Variants in KIF6 observed in about 807,000 individuals in gnomAD.
KIF6 encodes kinesin-like protein KIF6.
KIF6 carries 106 observed loss-of-function variants against 112.7 expected under a neutral mutation model. The observed-to-expected ratio is 0.94, with a 90% confidence interval of 0.80 to 1.11. KIF6 has a LOEUF of 1.11. KIF6 is among the 50% of genes least tolerant of loss of function. The probability of loss-of-function intolerance (pLI) is 0.00; values close to 1 mark genes in which losing one functional copy is unlikely to be tolerated. For synonymous variants in KIF6, 339 were observed against 339.9 expected, an observed-to-expected ratio of 1.00 and a Z score of 0.03; for missense variants, 929 against 964.0, an observed-to-expected ratio of 0.96 and a Z score of 0.48.
intron 15 of KIF6, among the ~76,000 whole-genome samples, chr6:39,409,801 G>A (rs918938404): frequency 6.6e-6 from 1 of 152,160 alleles, no homozygotes; most frequent in Non-Finnish European, 1.5e-5. Context: ...TCAACAGGGG[G>A]ACTCATCAGT....
chr6:39,527,877 G>C (rs781330350), intron 13 of KIF6, among the ~76,000 whole-genome samples: 13 of 151,936 alleles, frequency 8.6e-5, no homozygotes, highest in Non-Finnish European at 1.3e-4. Flanking sequence ...ATATTTATGA[G>C]GTACAAAGTG....
intron 6 of KIF6, among the ~76,000 whole-genome samples, chr6:39,605,231 C>A (rs762288162): frequency 1.6e-4 from 24 of 152,220 alleles, no homozygotes; most frequent in East Asian, 3.9e-4. Flanking sequence ...GAATTATAAG[C>A]TAAATTTAGC....
chr6:39,684,781 C>T (rs1029664026), intron 3 of KIF6, among the ~76,000 whole-genome samples: 14 of 149,716 alleles, frequency 9.4e-5, no homozygotes, highest in African/African-American at 3.4e-4. Flanking sequence ...AAGAGTGAAA[C>T]TCTGTCTCGA....
chr6:39,430,917 T>A (rs1202651927), intron 14 of KIF6, 136 bp downstream of exon 14: 1 of 572,870 alleles, frequency 1.7e-6, no homozygotes, highest in Non-Finnish European at 3.1e-6. Flanking sequence ...CATAATTAAA[T>A]GTGAAACTGA....
chr6:39,555,918 C>T (rs1027802683), intron 10 of KIF6, among the ~76,000 whole-genome samples: 4 of 142,178 alleles, frequency 2.8e-5, no homozygotes, highest in African/African-American at 5.4e-5. Flanking sequence ...CACCCCACTG[C>T]ACTCCAGCCT....
At chr6:39,550,908 A>G (rs577640632) in intron 10 of KIF6, among the ~76,000 whole-genome samples, 4 of 152,208 alleles carry the variant, frequency 2.6e-5, no homozygotes, top group Non-Finnish European at 4.4e-5. Flanking sequence ...AGTGACAAAG[A>G]TATAAAAGGA....
intron 21 of KIF6, among the ~76,000 whole-genome samples, chr6:39,344,534 C>T (rs1763560078): frequency 6.6e-6 from 1 of 152,196 alleles, no homozygotes; most frequent in Non-Finnish European, 1.5e-5. Context: ...CACTTCCAGC[C>T]TCAGGGCCTT....
intron 3 of KIF6, among the ~76,000 whole-genome samples, chr6:39,678,116 C>T (rs1030813607): frequency 2.0e-5 from 3 of 151,816 alleles, no homozygotes; most frequent in Non-Finnish European, 2.9e-5. Flanking sequence ...CATCTCACAC[C>T]AGTTAGAATG....
intron 16 of KIF6, among the ~76,000 whole-genome samples, chr6:39,369,844 C>G (rs1298483900): frequency 6.6e-6 from 1 of 152,200 alleles, no homozygotes; most frequent in East Asian, 1.9e-4. Flanking sequence ...TCTCTCATCT[C>G]TCTCCACGAC....
At chr6:39,558,556 A>G (rs1779842319) in intron 10 of KIF6, among the ~76,000 whole-genome samples, 3 of 152,186 alleles carry the variant, frequency 2.0e-5, no homozygotes, top group Non-Finnish European at 4.4e-5. Context: ...GTTGTGATGA[A>G]GGGTCCCATT....
intron 5 of KIF6, among the ~76,000 whole-genome samples, chr6:39,621,614 C>T: frequency 6.6e-6 from 1 of 152,158 alleles, no homozygotes; most frequent in East Asian, 1.9e-4. Context: ...ATGTTTGATG[C>T]ACAATAATAC....
intron 3 of KIF6, among the ~76,000 whole-genome samples, chr6:39,670,163 G>A (rs1307296527): frequency 6.6e-6 from 1 of 152,184 alleles, no homozygotes; most frequent in Non-Finnish European, 1.5e-5. Flanking sequence ...CAGCCTCAAA[G>A]AGCGTTTGGG....
Position 39,345,759 on chromosome 6 carries a change from C to T in KIF6, c.2262G>A (p.Ser754=), listed in dbSNP as rs756636672. Residue 754 remains serine, a synonymous_variant, in exon 21 of 23, where the codon TCG becomes TCA. Coordinates refer to ENST00000287152, the MANE Select transcript of KIF6 (RefSeq NM_145027.6). ...TCTGGCTGTGTGGACTGGGGCAAGGCGAGGGCAGGATTTTCCTGGCATTCA... is the reference window on the plus strand; with the variant it reads ...TCTGGCTGTGTGGACTGGGGCAAGGTGAGGGCAGGATTTTCCTGGCATTCA... ...CDVNARKILP[S]PCPSPHSQKQ... is the part of the protein sequence containing the mutation. 2.2e-5 allele frequency: 35 copies of T among 1,613,704 alleles called. No individual in the cohort carries two copies. Among genetic ancestry groups the T allele is most frequent in the Non-Finnish European group, 2.7e-5 (32 of 1,179,920 alleles).
chr6:39,412,757 G>A (rs1769575929), intron 15 of KIF6, among the ~76,000 whole-genome samples: 1 of 152,188 alleles, frequency 6.6e-6, no homozygotes, highest in Non-Finnish European at 1.5e-5. Flanking sequence ...AGTTGGCACA[G>A]CTGAGCCCAG....
intron 10 of KIF6, among the ~76,000 whole-genome samples, chr6:39,561,064 C>T (rs993854471): frequency 6.6e-6 from 1 of 152,208 alleles, no homozygotes; most frequent in African/African-American, 2.4e-5. Context: ...GATAATCTGC[C>T]TTTGCAATAT....
intron 3 of KIF6, among the ~76,000 whole-genome samples, chr6:39,679,329 A>G (rs2113766141): frequency 6.6e-6 from 1 of 152,302 alleles, no homozygotes; most frequent in South Asian, 2.1e-4. Context: ...TAAGGGATGC[A>G]TTAGGGCGGT....
At chr6:39,340,382 C>T (rs147647744) in intron 22 of KIF6, among the ~76,000 whole-genome samples, 1 of 152,222 alleles carries the variant, frequency 6.6e-6, no homozygotes, top group Admixed American at 6.5e-5. Context: ...TTCCTGAGGC[C>T]GAGAGAACTC....
intron 15 of KIF6, among the ~76,000 whole-genome samples, chr6:39,397,950 C>T (rs1175201619): frequency 6.6e-6 from 1 of 151,988 alleles, no homozygotes; most frequent in Non-Finnish European, 1.5e-5. Context: ...AGGGAATTGC[C>T]ACAATATGCA....
intron 3 of KIF6, among the ~76,000 whole-genome samples, chr6:39,713,998 T>C (rs749230598): frequency 7.9e-5 from 12 of 152,214 alleles, no homozygotes; most frequent in Non-Finnish European, 1.5e-4. Context: ...ATTAGGTCAT[T>C]AGCATCATCC....
Sources: gnomAD v4.1 joint callset for allele counts (sites outside exome capture counted in the v4.1 genomes callset) on GRCh38, gnomAD v4.1.1 for gene constraint, MANE v1.5 for transcripts, NCBI Gene and HGNC (gene_info 2026-07-23, HGNC 2026-07-21) for gene names.